Variants in DLGAP4 observed in about 807,000 individuals in gnomAD.
DLGAP4 encodes DLG associated protein 4.
DLGAP4 carries 18 observed loss-of-function variants against 86.9 expected under a neutral mutation model. That is an observed-to-expected ratio of 0.21 (90% CI 0.14 to 0.31). The LOEUF (loss-of-function observed/expected upper bound fraction) is 0.31, where lower values mean the gene tolerates loss of function less well. Among genes scored for constraint, DLGAP4 ranks in the 10% least tolerant of loss-of-function variants. DLGAP4 has a pLI of 1.00. For missense variants in DLGAP4, 1,085 were observed against 1,362.6 expected (o/e 0.80, Z 3.21); for synonymous variants, 548 against 574.3 (o/e 0.95, Z 0.65).
At chr20:36,312,578 G>A (rs918067510) in intron 1 of DLGAP4, among the ~76,000 whole-genome samples, 1 of 152,172 alleles carries the variant, frequency 6.6e-6, no homozygotes, top group Non-Finnish European at 1.5e-5. Context: ...TGATGATGTG[G>A]AAATGGGGCA....
intron 8 of DLGAP4, chr20:36,499,380 C>CGCCT (rs1001694384): frequency 9.8e-6 from 15 of 1,524,758 alleles, no homozygotes; most frequent in Admixed American, 3.8e-5. Context: ...CCCGCCCGCC[C>CGCCT]GCCTGCCCGC....
intron 7 of DLGAP4, among the ~76,000 whole-genome samples, chr20:36,476,318 C>CACCT (rs2034917952): frequency 2.5e-5 from 3 of 119,598 alleles, no homozygotes; most frequent in Admixed American, 1.7e-4. Context: ...TGGCAACCAC[C>CACCT]TTTTTTTTTT....
intron 1 of DLGAP4, among the ~76,000 whole-genome samples, chr20:36,337,348 G>T (rs2065333215): frequency 6.6e-6 from 1 of 151,906 alleles, no homozygotes; most frequent in Non-Finnish European, 1.5e-5. Flanking sequence ...GGAGGGAAGT[G>T]GTGGGGGTGG....
chr20:36,332,630 T>C (rs2065281376), intron 1 of DLGAP4, among the ~76,000 whole-genome samples: 1 of 152,062 alleles, frequency 6.6e-6, no homozygotes, highest in African/African-American at 2.4e-5. Flanking sequence ...CCTCAAGTGA[T>C]CCGCCCGCCT....
At chr20:36,390,108 G>A (rs562434740) in intron 2 of DLGAP4, among the ~76,000 whole-genome samples, 1 of 152,328 alleles carries the variant, frequency 6.6e-6, no homozygotes, top group African/African-American at 2.4e-5. Context: ...CTGGACCAAG[G>A]GGCAGTGAAC....
chr20:36,397,557 G>GT (rs1305545352), intron 2 of DLGAP4, among the ~76,000 whole-genome samples: 4 of 151,708 alleles, frequency 2.6e-5, no homozygotes, highest in African/African-American at 9.7e-5. Context: ...TTTTCAGTTT[G>GT]TTTTTTTCTT....
At chr20:36,346,726 A>G (rs1555893038) in intron 1 of DLGAP4, among the ~76,000 whole-genome samples, 1 of 151,592 alleles carries the variant, frequency 6.6e-6, no homozygotes. Flanking sequence ...TTTTTTTTTA[A>G]TTCTATGACC....
chr20:36,512,899 G>A (rs996283280), intron 10 of DLGAP4, among the ~76,000 whole-genome samples: 1 of 148,080 alleles, frequency 6.8e-6, no homozygotes, highest in Admixed American at 6.7e-5. Context: ...GTCAGACTGG[G>A]GGCATCTCAG....
At chr20:36,413,413 CT>C (rs71184094) in intron 2 of DLGAP4, among the ~76,000 whole-genome samples, 597 of 70,988 alleles carry the variant, frequency 8.4e-3, no homozygotes, top group African/African-American at 0.032. Context: ...TTGTTCTGGA[CT>C]TTTTTTTTTT....
chr20:36,312,913 G>A (rs1208544598), intron 1 of DLGAP4, among the ~76,000 whole-genome samples: 1 of 151,776 alleles, frequency 6.6e-6, no homozygotes, highest in Admixed American at 6.6e-5. Context: ...GGAACGAGCA[G>A]GTTTGCTACT....
intron 1 of DLGAP4, among the ~76,000 whole-genome samples, chr20:36,321,990 A>AGGGGACATGGCTCTG (rs1420492461): frequency 1.3e-5 from 2 of 152,164 alleles, no homozygotes; most frequent in South Asian, 2.1e-4. Flanking sequence ...TGGTGGGCAG[A>AGGGGACATGGCTCTG]GGGGACATGG....
chr20:36,473,018 C>T (rs2034739775), intron 7 of DLGAP4: 1 of 152,284 alleles, frequency 6.6e-6, no homozygotes, highest in Non-Finnish European at 1.5e-5. Flanking sequence ...AAGTCAGCCC[C>T]ATGTGGGTGT....
At chr20:36,475,985 G>A (rs555730211) in intron 7 of DLGAP4, among the ~76,000 whole-genome samples, 14 of 151,718 alleles carry the variant, frequency 9.2e-5, no homozygotes, top group Admixed American at 7.2e-4. Flanking sequence ...TCAGCCTCCC[G>A]AGTAGCTGGA....
chr20:36,349,150 G>T (rs1289102490), intron 1 of DLGAP4, among the ~76,000 whole-genome samples: 5 of 137,204 alleles, frequency 3.6e-5, no homozygotes, highest in Admixed American at 2.3e-4. Context: ...CGGGTGCAAT[G>T]GCTCACACCT....
At chr20:36,351,987 C>G (rs1600424161) in intron 1 of DLGAP4, among the ~76,000 whole-genome samples, 1 of 152,248 alleles carries the variant, frequency 6.6e-6, no homozygotes, top group East Asian at 1.9e-4. Flanking sequence ...CGAGGAAGCC[C>G]AGGCAGGTGA....
intron 1 of DLGAP4, among the ~76,000 whole-genome samples, chr20:36,340,513 C>T (rs1348913331): frequency 1.3e-5 from 2 of 152,138 alleles, no homozygotes; most frequent in Non-Finnish European, 1.5e-5. Flanking sequence ...CCAGTCTGTC[C>T]CCAGTGCCCC....
chr20:36,396,364 A>ACG (rs2031960693), intron 2 of DLGAP4, among the ~76,000 whole-genome samples: 1 of 41,892 alleles, frequency 2.4e-5, no homozygotes, highest in Non-Finnish European at 4.4e-5. Context: ...TACCACACGC[A>ACG]CATACACACA....
At chr20:36,469,527 C>T (rs967544709) in intron 7 of DLGAP4, among the ~76,000 whole-genome samples, 1 of 151,884 alleles carries the variant, frequency 6.6e-6, no homozygotes, top group East Asian at 1.9e-4. Context: ...CTGAGGCGGG[C>T]GGATCACCTG....
rs2036086851 is a variant in DLGAP4, at chr20:36,500,317, C to T, written c.2218C>T (p.Pro740Ser). The change falls in exon 10 of 13, where the codon CCC becomes TCC. Residue 740 changes from proline (P) to serine (S), a missense_variant. Transcript: ENST00000339266. The surrounding 1 kb of genome is among the most constrained non-coding windows in gnomAD (Gnocchi z 4.6). ...ERSLPDCTPH[P>S]NSISIDAGPR... ...GAGCCTCCCGGACTGTACCCCTCAC[C>T]CCAACTCCATCAGCATCGATGCCGG... is the stretch of plus-strand genomic sequence containing the variant. 2.5e-6 allele frequency: 4 copies of T among 1,614,064 alleles called. No individual in the cohort carries two copies. The highest frequency in any genetic ancestry group is 3.4e-6 in the Non-Finnish European group (4 of 1,179,942).
Sources: allele counts gnomAD v4.1 joint callset (sites outside exome capture counted in the v4.1 genomes callset), GRCh38; gene constraint gnomAD v4.1.1; non-coding constraint Gnocchi (gnomAD v3.1); transcripts MANE v1.5; gene names NCBI Gene and HGNC (gene_info 2026-07-23, HGNC 2026-07-21).